The following ATP8B4 variants were observed in gnomAD, a reference collection of about 807,000 sequenced individuals.
ATP8B4 encodes ATPase phospholipid transporting 8B4 (putative).
A neutral mutation model predicts 145.6 loss-of-function variants in ATP8B4; 133 were observed. The ratio of observed to expected loss-of-function variants is 0.91; its 90% CI spans 0.79 to 1.05. The LOEUF is 1.05. Among genes scored for constraint, ATP8B4 ranks in the 50% least tolerant of loss-of-function variants. The probability of loss-of-function intolerance (pLI) is 0.00; values close to 1 mark genes in which losing one functional copy is unlikely to be tolerated. For missense variants in ATP8B4, 1,458 were observed against 1,425.2 expected (o/e 1.02, Z -0.37); for synonymous variants, 507 against 492.9 (o/e 1.03, Z -0.38).
intron 20 of ATP8B4, among the ~76,000 whole-genome samples, chr15:49,910,981 G>A (rs1337913360): frequency 6.6e-6 from 1 of 151,830 alleles, no homozygotes; most frequent in Admixed American, 6.6e-5. Flanking sequence ...CACTGGTAAA[G>A]CAAACACACC....
chr15:49,862,426 T>G (rs1555391331), intron 26 of ATP8B4, 51 bp from the exon 27 acceptor site: 4 of 1,568,660 alleles, frequency 2.5e-6, no homozygotes, highest in Non-Finnish European at 3.5e-6. Flanking sequence ...AGGACTGAAT[T>G]ATTAATTAAT....
chr15:50,137,511 C>T (rs2044138965), intron 1 of ATP8B4, among the ~76,000 whole-genome samples: 1 of 152,208 alleles, frequency 6.6e-6, no homozygotes, highest in Admixed American at 6.5e-5. Flanking sequence ...TCTTGACTAA[C>T]TACCAGCAGC....
At chr15:49,897,992 T>A (rs761367462) in intron 22 of ATP8B4, 76 bp downstream of exon 22, 16 of 1,483,448 alleles carry the variant, frequency 1.1e-5, no homozygotes, top group Non-Finnish European at 1.5e-5. Context: ...TGCAATCTAG[T>A]GATTATATAT....
chr15:50,090,056 T>G (rs1600314086), intron 2 of ATP8B4, among the ~76,000 whole-genome samples: 3 of 152,164 alleles, frequency 2.0e-5, no homozygotes, highest in African/African-American at 7.2e-5. Flanking sequence ...GATCATGTCC[T>G]GTGCAGGGAC....
At chr15:50,118,033 G>A (rs1180841723) in intron 1 of ATP8B4, among the ~76,000 whole-genome samples, 3 of 152,050 alleles carry the variant, frequency 2.0e-5, no homozygotes, top group Non-Finnish European at 4.4e-5. Context: ...AAGGTAGGCT[G>A]GTTAATGGGT....
At chr15:49,877,599 G>A (rs185505074) in intron 24 of ATP8B4, among the ~76,000 whole-genome samples, 64 of 152,252 alleles carry the variant, frequency 4.2e-4, no homozygotes, top group Non-Finnish European at 6.6e-4. Context: ...GGTTATGTGC[G>A]CAGGCTTTGA....
At chr15:50,022,969 A>AT (rs1277483747) in intron 6 of ATP8B4, among the ~76,000 whole-genome samples, 1 of 152,090 alleles carries the variant, frequency 6.6e-6, no homozygotes, top group Admixed American at 6.5e-5. Context: ...CTATATGATA[A>AT]TTTTTTGCCT....
chr15:49,957,533 C>G (rs1419978819), intron 14 of ATP8B4, among the ~76,000 whole-genome samples: 1 of 152,018 alleles, frequency 6.6e-6, no homozygotes, highest in East Asian at 1.9e-4. Flanking sequence ...AACTATAGCC[C>G]TGTGTTCTAC....
At chr15:50,104,800 A>G (rs945221487) in intron 2 of ATP8B4, among the ~76,000 whole-genome samples, 1 of 151,942 alleles carries the variant, frequency 6.6e-6, no homozygotes, top group Non-Finnish European at 1.5e-5. Context: ...ACAATTCTCA[A>G]TCGCAAAAAA....
rs531383637 is a variant in ATP8B4, at chr15:50,047,480, C to T, written c.88-16G>A. On this transcript the variant is annotated splice_polypyrimidine_tract_variant and intron_variant, in intron 3 of 27. Transcript: ENST00000284509. ...TACGATTATCCTGGAAAAGAAATAG[C>T]ATCATGTTAGTTTGGGGCAAGGCAT... 1 of 1,452,696 alleles carries T rather than the reference C, an allele frequency of 6.9e-7. No homozygotes were observed. Among genetic ancestry groups the T allele is most frequent in the Admixed American group, 1.7e-5 (1 of 59,650 alleles). 90.0% of individuals were successfully genotyped at this position (1,452,696 alleles called of 1,614,324 possible).
chr15:50,100,125 A>ACAAGACC (rs746227445), intron 2 of ATP8B4, among the ~76,000 whole-genome samples: 17 of 151,852 alleles, frequency 1.1e-4, no homozygotes, highest in Non-Finnish European at 2.1e-4. Context: ...TTATTTCCCC[A>ACAAGACC]CAAGACCCAT....
intron 6 of ATP8B4, among the ~76,000 whole-genome samples, chr15:50,021,155 G>GATAT (rs981521593): frequency 4.9e-5 from 7 of 143,138 alleles, no homozygotes; most frequent in Non-Finnish European, 7.9e-5. Flanking sequence ...TAGATAGATA[G>GATAT]ATAGATAGAT....
intron 6 of ATP8B4, among the ~76,000 whole-genome samples, chr15:50,022,683 C>CA (rs557059844): frequency 6.7e-4 from 102 of 152,236 alleles, no homozygotes; most frequent in African/African-American, 2.4e-3. Context: ...TAGAGTGCCC[C>CA]AAAAAATCCT....
At chr15:50,104,410 A>G (rs1457764149) in intron 2 of ATP8B4, among the ~76,000 whole-genome samples, 1 of 152,190 alleles carries the variant, frequency 6.6e-6, no homozygotes, top group Non-Finnish European at 1.5e-5. Context: ...CCCATCAAAA[A>G]GTGGCCTAAG....
chr15:49,980,705 A>C (rs1811186316), intron 11 of ATP8B4, among the ~76,000 whole-genome samples: 1 of 152,212 alleles, frequency 6.6e-6, no homozygotes, highest in Admixed American at 6.5e-5. Context: ...TGCAGGGTTC[A>C]GTGCAAAATG....
At chr15:50,136,106 TG>T (rs1385992913) in intron 1 of ATP8B4, among the ~76,000 whole-genome samples, 12 of 152,300 alleles carry the variant, frequency 7.9e-5, no homozygotes, top group African/African-American at 2.6e-4. Flanking sequence ...ATGTTAAGCA[TG>T]CCCATTCCAT....
chr15:49,972,453 A>G, intron 13 of ATP8B4, 129 bp downstream of exon 13: 1 of 767,030 alleles, frequency 1.3e-6, no homozygotes, highest in Admixed American at 2.8e-5. Context: ...TATATGGTAG[A>G]TGCTGACGGT....
intron 23 of ATP8B4, chr15:49,896,677 C>T (rs1290037270): frequency 1.3e-5 from 2 of 152,156 alleles, no homozygotes; most frequent in African/African-American, 4.8e-5. Context: ...TTACATTTTA[C>T]AGTTGATTCA....
chr15:49,974,735 T>C (rs1188822397), intron 12 of ATP8B4, among the ~76,000 whole-genome samples: 2 of 152,196 alleles, frequency 1.3e-5, no homozygotes, highest in Non-Finnish European at 2.9e-5. Context: ...AAATTTTTGA[T>C]TGAAATTGAA....
Sources: allele counts gnomAD v4.1 joint callset (sites outside exome capture counted in the v4.1 genomes callset), GRCh38; gene constraint gnomAD v4.1.1; transcripts MANE v1.5; gene names NCBI Gene and HGNC (gene_info 2026-07-23, HGNC 2026-07-21).